SEC61A2: variants seen among roughly 807,000 people sequenced by gnomAD.
SEC61A2 encodes the protein SEC61 translocon subunit alpha 2.
SEC61A2 carries 28 observed loss-of-function variants against 59.9 expected under a neutral mutation model. The ratio of observed to expected loss-of-function variants is 0.47; its 90% CI spans 0.35 to 0.64. The LOEUF is 0.64. Among genes scored for constraint, SEC61A2 ranks in the 30% least tolerant of loss-of-function variants. The pLI is 0.01. For synonymous variants in SEC61A2, 202 were observed against 214.4 expected (o/e 0.94, Z 0.50); for missense variants, 340 against 585.9 (o/e 0.58, Z 4.33).
At chr10:12,130,317 C>G (rs562275940) in intron 1 of SEC61A2, among the ~76,000 whole-genome samples, 1 of 152,084 alleles carries the variant, frequency 6.6e-6, no homozygotes, top group Non-Finnish European at 1.5e-5. Context: ...GTTTTATAAG[C>G]CTTAGGGACA....
At chr10:12,141,047 G>A (rs929838733) in intron 3 of SEC61A2, among the ~76,000 whole-genome samples, 7 of 152,004 alleles carry the variant, frequency 4.6e-5, no homozygotes, top group Non-Finnish European at 8.8e-5. Context: ...TTACAGGCAC[G>A]AGCCGCCACT....
chr10:12,149,990 A>G lies in SEC61A2; in HGVS notation c.462+29A>G, dbSNP rs1834238405. On this transcript the variant is annotated intron_variant, in intron 6 of 11. Transcript: ENST00000298428. The surrounding 1 kb of genome is among the most constrained non-coding windows in gnomAD (Gnocchi z 5.2). ...AGAAATCCTATATTTTCCTATGCAG[A>G]TAACAAAACAGTTTGATTCCTTTTT... The G allele has an allele frequency of 6.9e-7, 1 of 1,441,790 alleles. No homozygotes were observed. Among genetic ancestry groups the G allele is most frequent in the South Asian group, 1.1e-5 (1 of 87,376 alleles). The allele number at this position is 1,441,790 out of a possible 1,614,324, so 89.3% of individuals were successfully genotyped here.
chr10:12,137,344 A>G (rs1245324233), intron 3 of SEC61A2, among the ~76,000 whole-genome samples: 1 of 151,936 alleles, frequency 6.6e-6, no homozygotes, highest in Non-Finnish European at 1.5e-5. Flanking sequence ...TTTTTGAGAC[A>G]GGGTCTCACT....
In SEC61A2 at chr10:12,149,838, C is replaced by G. The variant is rs771074062; in HGVS notation, c.353-14C>G. Reference sequence around the variant, plus strand: ...GTGGTAAGCGTGCTCTCCTTTCCCCCCAACTTTCATCAGTGTTTGGTATGA... The same window carrying G: ...GTGGTAAGCGTGCTCTCCTTTCCCCGCAACTTTCATCAGTGTTTGGTATGA... On this transcript the variant is annotated splice_polypyrimidine_tract_variant and intron_variant, in intron 5 of 11. Coordinates refer to ENST00000298428, the MANE Select transcript of SEC61A2 (RefSeq NM_018144.4). The surrounding 1 kb of genome is among the most constrained non-coding windows in gnomAD (Gnocchi z 5.2). 6.2e-7 allele frequency: 1 copy of G among 1,612,334 alleles called. No individual in the cohort carries two copies. Among genetic ancestry groups the G allele is most frequent in the Admixed American group, 1.7e-5 (1 of 59,862 alleles).
At chr10:12,135,419 A>C (rs11257555) in intron 2 of SEC61A2, among the ~76,000 whole-genome samples, 60,839 of 152,016 alleles carry the variant, frequency 0.4, 13,306 homozygotes, top group South Asian at 0.55. Flanking sequence ...GTAAAAGTAG[A>C]TTTAAAAAAA....
At chr10:12,157,822 G>T (rs12250051) in intron 8 of SEC61A2, 86 bp from the exon 9 acceptor site, 44,858 of 1,271,868 alleles carry the variant, frequency 0.035, 2,676 homozygotes, top group African/African-American at 0.23. Flanking sequence ...TTCATCCCCC[G>T]CACTGTTCTT....
rs981080639 is a variant in SEC61A2, at chr10:12,149,252, G to A, written c.221-343G>A. Among the ~76,000 whole-genome samples the A allele has an allele frequency of 6.6e-6, 1 of 151,988 alleles. No individual in the cohort carries two copies. The highest frequency in any genetic ancestry group is 6.6e-5 in the Admixed American group (1 of 15,242). On this transcript the variant is annotated intron_variant, in intron 4 of 11. Transcript: ENST00000298428. The surrounding 1 kb of genome is among the most constrained non-coding windows in gnomAD (Gnocchi z 5.2). Reference sequence around the variant, plus strand: ...TTACAGGTGCCCGCCACCACACCTGGCTAATTTTTGCATTTTTAGTAGAGA... The same window carrying A: ...TTACAGGTGCCCGCCACCACACCTGACTAATTTTTGCATTTTTAGTAGAGA...
At chr10:12,166,628 G>T (rs1361532487), downstream of SEC61A2, 2 of 437,590 alleles carry the variant, frequency 4.6e-6, no homozygotes, top group South Asian at 3.4e-5. Flanking sequence ...TCAGGGCCTG[G>T]CTTACCCGCT....
Position 12,157,077 on chromosome 10 carries a change from A to G in SEC61A2, c.777+10A>G. 1 of 1,609,138 alleles carries G rather than the reference A, an allele frequency of 6.2e-7. No homozygotes were observed. Among genetic ancestry groups the G allele is most frequent in the Non-Finnish European group, 8.5e-7 (1 of 1,177,704 alleles). On this transcript the variant is annotated intron_variant, in intron 8 of 11. Coordinates refer to ENST00000298428, the MANE Select transcript of SEC61A2 (RefSeq NM_018144.4). ...TGTTATATATTTCCAAGTAAGTATA[A>G]CCTTTTCACCAAAGTAAGTGGGATG...
At position 12,156,974 on chromosome 10, in the gene SEC61A2, A is replaced by C; in HGVS notation, c.684A>C (p.Arg228=). The C allele has an allele frequency of 6.2e-7, 1 of 1,614,024 alleles. No homozygotes were observed. The highest frequency in any genetic ancestry group is 8.5e-7 in the Non-Finnish European group (1 of 1,179,928). ...TGGCCACCAGGACGGACAAAGTCCG[A>C]GCTTTACGGGAGGCTTTTTATCGGC... ...HLLATRTDKV[R]ALREAFYRQN... The change falls in exon 8 of 12, where the codon CGA becomes CGC. Residue 228 remains arginine (R), a synonymous_variant. Coordinates refer to ENST00000298428, the MANE Select transcript of SEC61A2 (RefSeq NM_018144.4). The surrounding 1 kb of genome is among the most constrained non-coding windows in gnomAD (Gnocchi z 5.2).
In SEC61A2 at chr10:12,158,146, A is replaced by G; in HGVS notation, c.975+41A>G. On this transcript the variant is annotated intron_variant, in intron 9 of 11. Transcript: ENST00000298428. This position sits in a 1 kb window ranked among gnomAD's most constrained non-coding sequence, Gnocchi z 5.7. ...ATTTACATTATTTATAGTTTATTAT[A>G]ATTTGCATTTCATGGTTGTATTTTT... The G allele has an allele frequency of 6.8e-7, 1 of 1,475,280 alleles. No homozygotes were observed. The allele number at this position is 1,475,280 out of a possible 1,614,324, so 91.4% of individuals were successfully genotyped here. A position where few individuals can be genotyped will look rare whatever the true frequency, so the allele number is the denominator to read the frequency against.
chr10:12,129,666 G>A, upstream of SEC61A2: 1 of 987,294 alleles, frequency 1.0e-6, no homozygotes, highest in Non-Finnish European at 1.5e-6. This position sits in a 1 kb window ranked among gnomAD's most constrained non-coding sequence, Gnocchi z 5.6. Context: ...GCGGGGTTGG[G>A]CGGAGCCTGC....
At position 12,164,819 on chromosome 10, in the gene SEC61A2, C is replaced by CA; in HGVS notation, c.*368dup. ...CACTTGTTGAAAAATAAATGTAGTTCAAATTGCCACTTTCCAGTATTTTTG... is the reference window on the plus strand; with the variant it reads ...CACTTGTTGAAAAATAAATGTAGTTCAAAATTGCCACTTTCCAGTATTTTTG... On this transcript the variant is annotated 3_prime_UTR_variant, in exon 12 of 12. Coordinates refer to ENST00000298428, the MANE Select transcript of SEC61A2 (RefSeq NM_018144.4). This position sits in a 1 kb window ranked among gnomAD's most constrained non-coding sequence, Gnocchi z 7.3. 2.0e-6 allele frequency: 2 copies of CA among 1,014,232 alleles called. No individual in the cohort carries two copies. Among genetic ancestry groups the CA allele is most frequent in the African/African-American group, 1.7e-5 (1 of 57,896 alleles). The allele number at this position is 1,014,232 out of a possible 1,614,324, so 62.8% of individuals were successfully genotyped here. A position where few individuals can be genotyped will look rare whatever the true frequency, so the allele number is the denominator to read the frequency against.
chr10:12,164,938 C>T lies in SEC61A2; in HGVS notation c.*484C>T, dbSNP rs77849713. On this transcript the variant is annotated 3_prime_UTR_variant, in exon 12 of 12. Transcript: ENST00000298428. This position sits in a 1 kb window ranked among gnomAD's most constrained non-coding sequence, Gnocchi z 7.3. ...TTTAACTCATGGTATCCCCACTCCC[C>T]ACCCCCACCTCATTTTTATTTGTCC... 74 of 974,428 alleles carry T rather than the reference C, an allele frequency of 7.6e-5. No individual in the cohort carries two copies. The East Asian group carries it at 8.2e-3, about 108-fold the overall frequency. 60.4% of individuals were successfully genotyped at this position (974,428 alleles called of 1,614,324 possible). A position where few individuals can be genotyped will look rare whatever the true frequency, so the allele number is the denominator to read the frequency against.
Position 12,145,883 on chromosome 10 carries a change from T to C in SEC61A2, c.220+2688T>C, listed in dbSNP as rs1834126263. ...TTGCTGGAAGGATACTGGTTATTTT[T>C]TGGAATCTACAGTGGAGATGAACAG... On this transcript the variant is annotated intron_variant, in intron 4 of 11. Transcript: ENST00000298428. The surrounding 1 kb of genome is among the most constrained non-coding windows in gnomAD (Gnocchi z 4.4). Among the ~76,000 whole-genome samples the C allele has an allele frequency of 6.6e-6, 1 of 152,194 alleles. No homozygotes were observed. The highest frequency in any genetic ancestry group is 2.4e-5 in the African/African-American group (1 of 41,450).
chr10:12,144,321 A>G (rs2131660792), intron 4 of SEC61A2, among the ~76,000 whole-genome samples: 1 of 152,330 alleles, frequency 6.6e-6, no homozygotes, highest in South Asian at 2.1e-4. Context: ...CTTTGCACAT[A>G]CATTCACTTA....
At position 12,156,632 on chromosome 10, in the gene SEC61A2, A is replaced by T. The variant is rs969984303; in HGVS notation, c.617-275A>T. 1.3e-5 allele frequency among the ~76,000 whole-genome samples: 2 copies of T among 152,230 alleles called. No individual in the cohort carries two copies. The highest frequency in any genetic ancestry group is 2.9e-5 in the Non-Finnish European group (2 of 68,038). On this transcript the variant is annotated intron_variant, in intron 7 of 11. Coordinates refer to ENST00000298428, the MANE Select transcript of SEC61A2 (RefSeq NM_018144.4). This position sits in a 1 kb window ranked among gnomAD's most constrained non-coding sequence, Gnocchi z 5.2. ...AGTAGAGGAGAGGCAAATCTCTATG[A>T]ATGAAATTTTGCTTTGGTAAATTTT...
Position 12,143,007 on chromosome 10 carries a change from C to A in SEC61A2, c.142-110C>A. Reference sequence around the variant, plus strand: ...GTCTCCTGTCACCCAGGCTGGAGTGCAGTGGCGTGATCTCAGCTCACTGCA... The same window carrying A: ...GTCTCCTGTCACCCAGGCTGGAGTGAAGTGGCGTGATCTCAGCTCACTGCA... On this transcript the variant is annotated intron_variant, in intron 3 of 11. Coordinates refer to ENST00000298428, the MANE Select transcript of SEC61A2 (RefSeq NM_018144.4). The surrounding 1 kb of genome is among the most constrained non-coding windows in gnomAD (Gnocchi z 4.8). The A allele has an allele frequency of 1.3e-6, 1 of 753,180 alleles. No homozygotes were observed. 46.7% of individuals were successfully genotyped at this position (753,180 alleles called of 1,614,324 possible). A position where few individuals can be genotyped will look rare whatever the true frequency, so the allele number is the denominator to read the frequency against.
intron 2 of SEC61A2, among the ~76,000 whole-genome samples, chr10:12,134,406 T>C (rs1167514751): frequency 6.6e-6 from 1 of 152,206 alleles, no homozygotes; most frequent in Non-Finnish European, 1.5e-5. Context: ...AATATTCATA[T>C]GGCACTGTCA....
Sources: allele counts gnomAD v4.1 joint callset (sites outside exome capture counted in the v4.1 genomes callset), GRCh38; gene constraint gnomAD v4.1.1; non-coding constraint Gnocchi (gnomAD v3.1); transcripts MANE v1.5; gene names NCBI Gene and HGNC (gene_info 2026-07-23, HGNC 2026-07-21).